The following KLHDC3 variants were observed in gnomAD, a reference collection of about 807,000 sequenced individuals.
KLHDC3 encodes kelch domain-containing protein 3.
A neutral mutation model predicts 44.1 loss-of-function variants in KLHDC3; 5 were observed. That is an observed-to-expected ratio of 0.11 (90% CI 0.06 to 0.24). KLHDC3 has a LOEUF of 0.24. Among genes scored for constraint, KLHDC3 ranks in the 10% least tolerant of loss-of-function variants. The probability of loss-of-function intolerance (pLI) is 1.00; values close to 1 mark genes in which losing one functional copy is unlikely to be tolerated. For synonymous variants in KLHDC3, 170 were observed against 189.0 expected (o/e 0.90, Z 0.82); for missense variants, 247 against 514.3 (o/e 0.48, Z 5.03).
intron 10 of KLHDC3, among the ~76,000 whole-genome samples, chr6:43,020,145 C>A (rs1399068750): frequency 1.3e-5 from 2 of 152,040 alleles, no homozygotes; most frequent in Non-Finnish European, 2.9e-5. Flanking sequence ...CACTGCACCA[C>A]TGTACTCCAG....
At chr6:43,015,852 TAAAA>T (rs561042959) in intron 1 of KLHDC3, among the ~76,000 whole-genome samples, 2 of 100,544 alleles carry the variant, frequency 2.0e-5, no homozygotes. Flanking sequence ...AGACTTCATC[TAAAA>T]AAAAAAAAAA....
At position 43,017,044 on chromosome 6, in the gene KLHDC3, A is replaced by T; in HGVS notation, c.-59-90A>T. ...AGTGTGGGAGGGCCCCCAGGGTGAC[A>T]CTTGGAGGCAAAGGCTGGTTCTGGG... On this transcript the variant is annotated intron_variant, in intron 1 of 10. Coordinates refer to ENST00000326974, the MANE Select transcript of KLHDC3 (RefSeq NM_057161.4). This position sits in a 1 kb window ranked among gnomAD's most constrained non-coding sequence, Gnocchi z 6.0. 1.1e-6 allele frequency: 1 copy of T among 879,876 alleles called. No homozygotes were observed. Among genetic ancestry groups the T allele is most frequent in the South Asian group, 1.6e-5 (1 of 62,936 alleles). 54.5% of individuals were successfully genotyped at this position (879,876 alleles called of 1,614,324 possible). A position where few individuals can be genotyped will look rare whatever the true frequency, so the allele number is the denominator to read the frequency against.
In KLHDC3 at chr6:43,020,782, GCC is replaced by G. The variant is rs1762674375; in HGVS notation, c.*52_*53del. The G allele has an allele frequency of 7.0e-7, 1 of 1,429,270 alleles. No homozygotes were observed. Among genetic ancestry groups the G allele is most frequent in the East Asian group, 2.3e-5 (1 of 43,924 alleles). 88.5% of individuals were successfully genotyped at this position (1,429,270 alleles called of 1,614,324 possible). On this transcript the variant is annotated 3_prime_UTR_variant, in exon 11 of 11. Coordinates refer to ENST00000326974, the MANE Select transcript of KLHDC3 (RefSeq NM_057161.4). ...TCCTGAGCCTGCTGTCATCTTCACT[GCC>G]CCTGCCCATCTGTCACCCACCTGCT... is the stretch of plus-strand genomic sequence containing the variant.
In KLHDC3 at chr6:43,018,742, C is replaced by T. The variant is rs781208296; in HGVS notation, c.820+23C>T. The T allele has an allele frequency of 1.2e-6, 2 of 1,604,338 alleles. No homozygotes were observed. The highest frequency in any genetic ancestry group is 2.2e-5 in the South Asian group (2 of 90,902). Reference sequence around the variant, plus strand: ...CTGGTAAAGAGCACTGCATTTAGGGCAGGAACAAGGAGCAATTGAGGTGGG... The same window carrying T: ...CTGGTAAAGAGCACTGCATTTAGGGTAGGAACAAGGAGCAATTGAGGTGGG... On this transcript the variant is annotated intron_variant, in intron 7 of 10. Transcript: ENST00000326974. The surrounding 1 kb of genome is among the most constrained non-coding windows in gnomAD (Gnocchi z 6.0).
Position 43,017,157 on chromosome 6 carries a change from C to CCG in KLHDC3, c.-36_-35insCG. 1 of 1,596,968 alleles carries CCG rather than the reference C, an allele frequency of 6.3e-7. No individual in the cohort carries two copies. The highest frequency in any genetic ancestry group is 1.3e-5 in the African/African-American group (1 of 74,854). ...AGATAGCAGAGGCAGCAGGCCGTGC[C>CCG]GGGGGGGCATGTTGCTGTAACCAGT... is the stretch of plus-strand genomic sequence containing the variant. On this transcript the variant is annotated 5_prime_UTR_variant, in exon 2 of 11. Coordinates refer to ENST00000326974, the MANE Select transcript of KLHDC3 (RefSeq NM_057161.4). This position sits in a 1 kb window ranked among gnomAD's most constrained non-coding sequence, Gnocchi z 6.0.
intron 1 of KLHDC3, among the ~76,000 whole-genome samples, chr6:43,015,871 A>AAG (rs1446722419): frequency 1.3e-5 from 2 of 151,184 alleles, no homozygotes; most frequent in African/African-American, 4.9e-5. Flanking sequence ...AAAAAAAAAA[A>AAG]AAGACCATGA....
chr6:43,019,302 ACT>A lies in KLHDC3; in HGVS notation c.1021_1022del (p.Leu341ValfsTer9), dbSNP rs1258157657. 4 of 1,613,344 alleles carry A rather than the reference ACT, an allele frequency of 2.5e-6. No homozygotes were observed. The highest frequency in any genetic ancestry group is 1.3e-5 in the African/African-American group (1 of 74,788). On this transcript the variant is annotated frameshift_variant, in exon 10 of 11. Transcript: ENST00000326974. LOFTEE classifies it high-confidence loss of function. ...HILDFSPSLK[T>X]LCKLAVIQYN... Reference sequence around the variant, plus strand: ...CTCCCTTAAAGGCCCTAGTCTGAAGACTCTGTGCAAACTGGCCGTGATTCAGT... The same window carrying A: ...CTCCCTTAAAGGCCCTAGTCTGAAGACTGTGCAAACTGGCCGTGATTCAGT...
At chr6:43,020,063 C>T (rs1422793527) in intron 10 of KLHDC3, among the ~76,000 whole-genome samples, 1 of 152,142 alleles carries the variant, frequency 6.6e-6, no homozygotes, top group Non-Finnish European at 1.5e-5. Flanking sequence ...GTAGTCCCAG[C>T]TACTTGGGAG....
In KLHDC3 at chr6:43,018,842, T is replaced by G; in HGVS notation, c.821-21T>G. ...ACCTGGACTAGGCAGGTATTGAACTTCCATATAAATTTCTCTTCAGTGTCC... is the reference window on the plus strand; with the variant it reads ...ACCTGGACTAGGCAGGTATTGAACTGCCATATAAATTTCTCTTCAGTGTCC... On this transcript the variant is annotated intron_variant, in intron 7 of 10. Transcript: ENST00000326974. This position sits in a 1 kb window ranked among gnomAD's most constrained non-coding sequence, Gnocchi z 6.0. 6.3e-7 allele frequency: 1 copy of G among 1,589,860 alleles called. No individual in the cohort carries two copies. Among genetic ancestry groups the G allele is most frequent in the Non-Finnish European group, 8.6e-7 (1 of 1,160,054 alleles).
chr6:43,014,555 G>A (rs1420734058), intron 1 of KLHDC3: 1 of 462,786 alleles, frequency 2.2e-6, no homozygotes, highest in Non-Finnish European at 4.3e-6. Flanking sequence ...CTGGTGTCTG[G>A]AGGAAGCAAT....
Position 43,018,207 on chromosome 6 carries a change from C to G in KLHDC3, c.510C>G (p.Ile170Met). Residue 170 changes from isoleucine to methionine, a missense_variant, in exon 5 of 11, where the codon ATC (isoleucine) becomes ATG (methionine). By Grantham distance (10) the Ile-to-Met change is conservative. Transcript: ENST00000326974. The surrounding 1 kb of genome is among the most constrained non-coding windows in gnomAD (Gnocchi z 6.0). The stretch of plus-strand genomic sequence containing the variant: ...CCAGCACCATGACATGGACTCTTAT[C>G]TGTACAAAGGTCTGCTCTTTCTTTT... ...LDTSTMTWTLICTKGSPARWR... is the reference protein window; with the variant it reads ...LDTSTMTWTLMCTKGSPARWR... The G allele has an allele frequency of 6.2e-7, 1 of 1,608,386 alleles. No individual in the cohort carries two copies. The highest frequency in any genetic ancestry group is 8.5e-7 in the Non-Finnish European group (1 of 1,174,910).
Position 43,019,308 on chromosome 6 carries a change from T to G in KLHDC3, c.1024T>G (p.Cys342Gly), listed in dbSNP as rs777724457. The G allele has an allele frequency of 6.2e-7, 1 of 1,613,730 alleles. No homozygotes were observed. Residue 342 changes from cysteine to glycine, a missense_variant, in exon 10 of 11, where the codon TGC becomes GGC. Coordinates refer to ENST00000326974, the MANE Select transcript of KLHDC3 (RefSeq NM_057161.4). The part of the protein sequence containing the change: ...LDFSPSLKTL[C>G]KLAVIQYNLD... ...TAAAGGCCCTAGTCTGAAGACTCTG[T>G]GCAAACTGGCCGTGATTCAGTATAA...
chr6:43,014,531 T>G (rs1762510283), intron 1 of KLHDC3, 183 bp downstream of exon 1: 1 of 465,086 alleles, frequency 2.2e-6, no homozygotes, highest in Non-Finnish European at 4.3e-6. Context: ...GGCGAGGAGA[T>G]GGGTAGGAGA....
Position 43,019,105 on chromosome 6 carries a change from G to A in KLHDC3, c.943G>A (p.Glu315Lys). 6.2e-7 allele frequency: 1 copy of A among 1,613,322 alleles called. No homozygotes were observed. Among genetic ancestry groups the A allele is most frequent in the Non-Finnish European group, 8.5e-7 (1 of 1,179,234 alleles). The stretch of plus-strand genomic sequence containing the variant: ...TGATCCCGACAGTCCATCTCCTGAG[G>A]AAGGCCTGGGAGATGAATTTGACCT... ...LFGGTSPSPE[E>K]GLGDEFDLID... Residue 315 changes from glutamate to lysine, a missense_variant, in exon 9 of 11, where the codon GAA (glutamate) becomes AAA (lysine). Around this residue, in one of 2 missense-constraint regions of KLHDC3, gnomAD observed 176 missense variants for 413.5 expected, o/e 0.43. Coordinates refer to ENST00000326974, the MANE Select transcript of KLHDC3 (RefSeq NM_057161.4).
Position 43,018,131 on chromosome 6 carries a change from C to T in KLHDC3, c.448-14C>T. On this transcript the variant is annotated splice_polypyrimidine_tract_variant and intron_variant, in intron 4 of 10. Transcript: ENST00000326974. The surrounding 1 kb of genome is among the most constrained non-coding windows in gnomAD (Gnocchi z 6.0). ...GGCTCCCTCTTTTCTTCCTCCTTTT[C>T]TCTTCCTACTCAGGCGGACTGTTTT... 1 of 1,592,402 alleles carries T rather than the reference C, an allele frequency of 6.3e-7. No homozygotes were observed. Among genetic ancestry groups the T allele is most frequent in the Non-Finnish European group, 8.6e-7 (1 of 1,160,442 alleles).
At chr6:43,019,015 G>A (rs776267764) in intron 8 of KLHDC3, 44 bp downstream of exon 8, 2 of 1,564,916 alleles carry the variant, frequency 1.3e-6, no homozygotes, top group Non-Finnish European at 1.8e-6. Context: ...TCACTAATGG[G>A]AGAGTGGGAG....
At position 43,018,147 on chromosome 6, in the gene KLHDC3, G is replaced by A. The variant is rs761934240; in HGVS notation, c.450G>A (p.Ala150=). The change falls in exon 5 of 11, where the codon GCG becomes GCA. Residue 150 remains alanine (A), a splice_region_variant and synonymous_variant. Coordinates refer to ENST00000326974, the MANE Select transcript of KLHDC3 (RefSeq NM_057161.4). This position sits in a 1 kb window ranked among gnomAD's most constrained non-coding sequence, Gnocchi z 6.0. ...CCTCCTTTTCTCTTCCTACTCAGGC[G>A]GACTGTTTTTCCAATGACATTCACA... ...MYIFGGYEQQ[A]DCFSNDIHKL... is the part of the protein sequence containing the mutation. The A allele has an allele frequency of 1.8e-5, 29 of 1,604,436 alleles. No individual in the cohort carries two copies. Among genetic ancestry groups the A allele is most frequent in the East Asian group, 2.2e-5 (1 of 44,848 alleles).
At position 43,018,251 on chromosome 6, in the gene KLHDC3, C is replaced by T. The variant is rs550329023; in HGVS notation, c.519+35C>T. 1.9e-6 allele frequency: 3 copies of T among 1,580,284 alleles called. No homozygotes were observed. Among genetic ancestry groups the T allele is most frequent in the East Asian group, 2.2e-5 (1 of 44,684 alleles). Reference sequence around the variant, plus strand: ...TTCTTTTTTTTCCCAAATCCCCACCCTCTGTTGAAGCAATGATAGGAAGCT... The same window carrying T: ...TTCTTTTTTTTCCCAAATCCCCACCTTCTGTTGAAGCAATGATAGGAAGCT... On this transcript the variant is annotated intron_variant, in intron 5 of 10. Transcript: ENST00000326974. This position sits in a 1 kb window ranked among gnomAD's most constrained non-coding sequence, Gnocchi z 6.0.
At position 43,018,630 on chromosome 6, in the gene KLHDC3, C is replaced by T. The variant is rs996442081; in HGVS notation, c.734-3C>T. 1 of 1,613,662 alleles carries T rather than the reference C, an allele frequency of 6.2e-7. No homozygotes were observed. On this transcript the variant is annotated splice_region_variant and splice_polypyrimidine_tract_variant and intron_variant, in intron 6 of 10. Transcript: ENST00000326974. This position sits in a 1 kb window ranked among gnomAD's most constrained non-coding sequence, Gnocchi z 6.0. ...ACTCCTGACACTTCCTCTCTCCTTC[C>T]AGTTGGCTACAATGGGGAGCTGTAC...
Sources: allele counts gnomAD v4.1 joint callset (sites outside exome capture counted in the v4.1 genomes callset), GRCh38; gene constraint gnomAD v4.1.1; regional missense constraint gnomAD v4.1.1; non-coding constraint Gnocchi (gnomAD v3.1); transcripts MANE v1.5; gene names NCBI Gene and HGNC (gene_info 2026-07-23, HGNC 2026-07-21).